SCN8A: variants seen among roughly 807,000 people sequenced by gnomAD.
SCN8A encodes the protein sodium channel protein type 8 subunit alpha.
Under a neutral mutation model 184.1 loss-of-function variants are expected in SCN8A, and 30 were observed. That is an observed-to-expected ratio of 0.16 (90% CI 0.12 to 0.22). SCN8A has a LOEUF of 0.22. Ranked by LOEUF, SCN8A falls within the 10% of genes least tolerant of loss-of-function variation. SCN8A has a pLI of 1.00. For missense variants in SCN8A, 1,057 were observed against 2,498.9 expected, an observed-to-expected ratio of 0.42 and a Z score of 12.30; for synonymous variants, 852 against 907.0, an observed-to-expected ratio of 0.94 and a Z score of 1.09.
intron 12 of SCN8A, among the ~76,000 whole-genome samples, chr12:51,732,597 T>G (rs1456248035): frequency 1.3e-5 from 2 of 152,174 alleles, no homozygotes; most frequent in Admixed American, 1.3e-4. Context: ...TTTTTCTGTT[T>G]CTGTGAAGAA....
intron 26 of SCN8A, among the ~76,000 whole-genome samples, chr12:51,801,123 A>G (rs893003944): frequency 3.7e-4 from 57 of 152,206 alleles, no homozygotes; most frequent in African/African-American, 1.4e-3. Context: ...ACCATGATTA[A>G]TTAGCCAATG....
At chr12:51,679,016 C>T (rs1290083094) in intron 2 of SCN8A, among the ~76,000 whole-genome samples, 1 of 151,672 alleles carries the variant, frequency 6.6e-6, no homozygotes, top group Non-Finnish European at 1.5e-5. Context: ...GTGGAGGTTG[C>T]AGTGAGCCGA....
chr12:51,786,001 C>T (rs1938074307), intron 21 of SCN8A, among the ~76,000 whole-genome samples: 1 of 152,026 alleles, frequency 6.6e-6, no homozygotes, highest in Non-Finnish European at 1.5e-5. Flanking sequence ...CTTGAGCCTG[C>T]AAAATATGCA....
rs537010979 is a variant in SCN8A, at chr12:51,690,891, T to C, written c.706+1795T>C. 2.0e-5 allele frequency among the ~76,000 whole-genome samples: 3 copies of C among 152,304 alleles called. No homozygotes were observed. In the East Asian group the frequency reaches 5.8e-4, roughly 29 times the overall value. On this transcript the variant is annotated intron_variant, in intron 6 of 26. Transcript: ENST00000627620. ...TTTAGCGATGGTAGCTGACTCCCTA[T>C]CAACCAAAGGCTGGGTGTCAGTTGG... is the stretch of plus-strand genomic sequence containing the variant.
intron 12 of SCN8A, among the ~76,000 whole-genome samples, chr12:51,739,337 G>A (rs1187545130): frequency 1.3e-5 from 2 of 152,064 alleles, no homozygotes; most frequent in Non-Finnish European, 2.9e-5. Flanking sequence ...GCCGTCACTC[G>A]AGGTGCCGCT....
At chr12:51,604,947 G>C (rs1939554238) in intron 1 of SCN8A, among the ~76,000 whole-genome samples, 2 of 152,082 alleles carry the variant, frequency 1.3e-5, no homozygotes, top group Admixed American at 1.3e-4. Flanking sequence ...TGTCACCCAG[G>C]TTATAAGCAT....
At position 51,811,346 on chromosome 12, in the gene SCN8A, T is replaced by C. The variant is rs1938890181; in HGVS notation, c.*3917T>C. ...GCATTCCCCACTACTGGCCGGTGCT[T>C]AGAGGCCCATAAAACCTCTCTTCAC... On this transcript the variant is annotated 3_prime_UTR_variant, in exon 27 of 27. Coordinates refer to ENST00000627620, the MANE Select transcript of SCN8A (RefSeq NM_001330260.2). The C allele has an allele frequency of 6.6e-6, 1 of 152,168 alleles. No homozygotes were observed. The highest frequency in any genetic ancestry group is 2.1e-4 in the South Asian group (1 of 4,830). The allele number at this position is 152,168 out of a possible 1,614,324, so 9.4% of individuals were successfully genotyped here.
At chr12:51,601,930 A>G (rs1196969929) in intron 1 of SCN8A, among the ~76,000 whole-genome samples, 1 of 151,540 alleles carries the variant, frequency 6.6e-6, no homozygotes, top group African/African-American at 2.4e-5. Flanking sequence ...AATCTCAAGA[A>G]AAAAACTCAT....
intron 1 of SCN8A, among the ~76,000 whole-genome samples, chr12:51,602,625 T>A (rs1469791232): frequency 6.8e-6 from 1 of 147,742 alleles, no homozygotes; most frequent in African/African-American, 2.7e-5. Flanking sequence ...TTTACCACAA[T>A]CAATCAATCA....
At chr12:51,711,398 G>A (rs1299809352) in intron 11 of SCN8A, among the ~76,000 whole-genome samples, 1 of 152,222 alleles carries the variant, frequency 6.6e-6, no homozygotes, top group Non-Finnish European at 1.5e-5. Flanking sequence ...GATGCTACAA[G>A]GGATAGTAGT....
rs996990002 is a variant in SCN8A, at chr12:51,809,202, G to T, written c.*1773G>T. On this transcript the variant is annotated 3_prime_UTR_variant, in exon 27 of 27. Transcript: ENST00000627620. ...AGGAAAGACAGTTTTTAGTCCAGGG[G>T]TTTCTCACCTAATGACTGGATTTCA... 6.6e-6 allele frequency: 1 copy of T among 152,110 alleles called. No individual in the cohort carries two copies. Among genetic ancestry groups the T allele is most frequent in the East Asian group, 1.9e-4 (1 of 5,192 alleles). The allele number at this position is 152,110 out of a possible 1,614,324, so 9.4% of individuals were successfully genotyped here.
intron 3 of SCN8A, 23 bp from the exon 4 acceptor site, chr12:51,686,345 A>C (rs1358474416): frequency 6.7e-7 from 1 of 1,487,812 alleles, no homozygotes; most frequent in Non-Finnish European, 9.4e-7. Context: ...AGATTTTAAT[A>C]TTGCCCCTTG....
chr12:51,627,629 C>G lies in SCN8A; in HGVS notation c.-54-35135C>G, dbSNP rs375864745. ...TCTCCTGACCTCGTGATTCCCCCAG[C>G]CTCGGCTTCCCAAATTGCTGGGATT... On this transcript the variant is annotated intron_variant, in intron 1 of 26. Transcript: ENST00000627620. 1.2e-4 allele frequency among the ~76,000 whole-genome samples: 18 copies of G among 152,304 alleles called. No individual in the cohort carries two copies. The East Asian group carries it at 1.7e-3, about 15-fold the overall frequency.
At chr12:51,697,594 A>G (rs1941616542) in intron 6 of SCN8A, among the ~76,000 whole-genome samples, 1 of 152,180 alleles carries the variant, frequency 6.6e-6, no homozygotes, top group African/African-American at 2.4e-5. Flanking sequence ...CATTTTCCCA[A>G]TCATGTCCCT....
intron 16 of SCN8A, 131 bp downstream of exon 16, chr12:51,766,158 C>A: frequency 1.3e-6 from 1 of 779,936 alleles, no homozygotes. Context: ...TCTTTCTTGG[C>A]CCAGAAACCC....
intron 2 of SCN8A, among the ~76,000 whole-genome samples, chr12:51,676,064 T>C (rs1005651581): frequency 1.3e-5 from 2 of 152,212 alleles, no homozygotes; most frequent in Admixed American, 1.3e-4. Context: ...CCATTCTCAG[T>C]ATCGTGTAAT....
chr12:51,615,334 C>T (rs780000116), intron 1 of SCN8A, among the ~76,000 whole-genome samples: 7 of 152,098 alleles, frequency 4.6e-5, no homozygotes, highest in Admixed American at 4.6e-4. Context: ...GTGGGCAGAT[C>T]GCTTGAGCCC....
intron 11 of SCN8A, among the ~76,000 whole-genome samples, chr12:51,709,236 T>C (rs918827897): frequency 2.0e-5 from 3 of 152,176 alleles, no homozygotes; most frequent in African/African-American, 7.2e-5. Context: ...CAAGTACAGA[T>C]TTTTTTAGAC....
intron 1 of SCN8A, among the ~76,000 whole-genome samples, chr12:51,651,380 T>G (rs981165248): frequency 1.3e-5 from 2 of 152,176 alleles, no homozygotes; most frequent in African/African-American, 4.8e-5. Flanking sequence ...ATTTTTCATA[T>G]TTTTAGTAGA....
Sources: gnomAD v4.1 joint callset for allele counts (sites outside exome capture counted in the v4.1 genomes callset) on GRCh38, gnomAD v4.1.1 for gene constraint, MANE v1.5 for transcripts, NCBI Gene and HGNC (gene_info 2026-07-23, HGNC 2026-07-21) for gene names.